EVC2: variants seen among roughly 807,000 people sequenced by gnomAD.
EVC2 encodes the protein EvC ciliary complex subunit 2, also known as limbin.
EVC2 carries 148 observed loss-of-function variants against 149.3 expected under a neutral mutation model. The observed-to-expected ratio is 0.99, with a 90% CI of 0.87 to 1.14. The LOEUF (loss-of-function observed/expected upper bound fraction) is 1.14, where lower values mean the gene tolerates loss of function less well. EVC2 is among the 50% of genes most tolerant of loss of function. The pLI, the probability that EVC2 is intolerant of heterozygous loss-of-function variation, is 0.00. For synonymous variants in EVC2, 776 were observed against 649.9 expected (o/e 1.19, Z -2.95); for missense variants, 1,854 against 1,627.3 (o/e 1.14, Z -2.40).
chr4:5,573,552 C>T (rs932301759), intron 19 of EVC2, among the ~76,000 whole-genome samples: 4 of 152,194 alleles, frequency 2.6e-5, no homozygotes, highest in African/African-American at 9.6e-5. Context: ...GAGCAGGAAA[C>T]AGATTCTCCC....
intron 1 of EVC2, among the ~76,000 whole-genome samples, chr4:5,699,536 G>A (rs910254035): frequency 6.7e-6 from 1 of 149,370 alleles, no homozygotes. Flanking sequence ...GTGGAAGCAA[G>A]CCAAATGTCC....
the EVC2 span, among the ~76,000 whole-genome samples, chr4:5,535,635 A>AG: frequency 1.3e-4 from 11 of 87,862 alleles, no homozygotes; most frequent in African/African-American, 5.4e-4. This position sits in a 1 kb window ranked among gnomAD's most constrained non-coding sequence, Gnocchi z 4.7. Flanking sequence ...GAGAGAGAGA[A>AG]AGAGATAATC....
At chr4:5,566,199 A>G (rs543589144) in intron 20 of EVC2, among the ~76,000 whole-genome samples, 1 of 152,318 alleles carries the variant, frequency 6.6e-6, no homozygotes, top group Admixed American at 6.5e-5. Context: ...ACTGAAGGAG[A>G]GGGCGTTGGA....
At chr4:5,543,860 G>T (rs1472280484) in intron 21 of EVC2, among the ~76,000 whole-genome samples, 1 of 152,182 alleles carries the variant, frequency 6.6e-6, no homozygotes, top group Admixed American at 6.5e-5. Flanking sequence ...CCCCTGCATA[G>T]CACATTTCTT....
chr4:5,706,770 C>T (rs1722227270), intron 1 of EVC2, among the ~76,000 whole-genome samples: 1 of 152,124 alleles, frequency 6.6e-6, no homozygotes, highest in South Asian at 2.1e-4. Flanking sequence ...GTCCCATCAA[C>T]AGCTGGGATG....
chr4:5,679,498 A>G lies in EVC2; in HGVS notation c.870+1762T>C, dbSNP rs1420721283. On this transcript the variant is annotated intron_variant, in intron 7 of 21. Transcript: ENST00000344408. The surrounding 1 kb of genome is among the most constrained non-coding windows in gnomAD (Gnocchi z 5.1). ...AGTGATCAGCCCACCTCAGCCTCCC[A>G]AAGTACTGAGATTACAGGCATGAGC... Among the ~76,000 whole-genome samples the G allele has an allele frequency of 6.6e-6, 1 of 152,178 alleles. No homozygotes were observed.
intron 7 of EVC2, among the ~76,000 whole-genome samples, chr4:5,672,083 G>C (rs1007014106): frequency 3.3e-5 from 5 of 152,210 alleles, no homozygotes; most frequent in African/African-American, 9.6e-5. Flanking sequence ...TGAACAGGCA[G>C]GCAGATGCTG....
At chr4:5,612,853 C>G (rs940701297) in intron 16 of EVC2, among the ~76,000 whole-genome samples, 2 of 131,896 alleles carry the variant, frequency 1.5e-5, no homozygotes, top group Non-Finnish European at 3.1e-5. Flanking sequence ...ACCCGGGAGG[C>G]AGAGCTTGCA....
chr4:5,706,389 GATA>G (rs1722172517), intron 1 of EVC2, among the ~76,000 whole-genome samples: 13 of 72,416 alleles, frequency 1.8e-4, no homozygotes, highest in East Asian at 7.2e-4. Flanking sequence ...TACATAGATA[GATA>G]CATAGATAGA....
chr4:5,565,282 A>G lies in EVC2; in HGVS notation c.3635T>C (p.Leu1212Pro). ...CCTCTGCTTTCTCTTGCGGGCCCACAGCATCTTTTCTAATCCTCTGCTTAT... is the reference window on the plus strand; with the variant it reads ...CCTCTGCTTTCTCTTGCGGGCCCACGGCATCTTTTCTAATCCTCTGCTTAT... ...DLISRGLEKM[L>P]WARKRKQSIL... The change falls in exon 21 of 22, where the codon CTG (leucine) becomes CCG (proline). Residue 1212 changes from leucine (L) to proline (P), a missense_variant. Transcript: ENST00000344408. 2.5e-6 allele frequency: 4 copies of G among 1,613,982 alleles called. No individual in the cohort carries two copies. Among genetic ancestry groups the G allele is most frequent in the Non-Finnish European group, 3.4e-6 (4 of 1,179,988 alleles).
intron 16 of EVC2, among the ~76,000 whole-genome samples, chr4:5,615,028 T>G (rs753042948): frequency 6.6e-6 from 1 of 151,736 alleles, no homozygotes; most frequent in Non-Finnish European, 1.5e-5. Flanking sequence ...AGGGAGAGCC[T>G]GGTGAGTTTG....
chr4:5,692,078 C>G (rs1046930503), intron 3 of EVC2, among the ~76,000 whole-genome samples: 1 of 152,230 alleles, frequency 6.6e-6, no homozygotes, highest in Non-Finnish European at 1.5e-5. Flanking sequence ...CCACATCTTT[C>G]CCACTCTCTG....
intron 13 of EVC2, among the ~76,000 whole-genome samples, chr4:5,623,926 T>C (rs537142900): frequency 1.1e-3 from 170 of 152,314 alleles, no homozygotes; most frequent in African/African-American, 3.8e-3. Flanking sequence ...GTGCCTGACA[T>C]AGAGTAGTTT....
chr4:5,576,020 C>A lies in EVC2; in HGVS notation c.3272+220G>T, dbSNP rs62297462. Among the ~76,000 whole-genome samples, 1 of 151,972 alleles carries A rather than the reference C, an allele frequency of 6.6e-6. No homozygotes were observed. The highest frequency in any genetic ancestry group is 2.4e-5 in the African/African-American group (1 of 41,354). The stretch of plus-strand genomic sequence containing the variant: ...CAAAATAAAAAGTTTAAAAATATTA[C>A]GTTTGGTAAAACTTCAATGATATTA... On this transcript the variant is annotated intron_variant, in intron 18 of 21. Coordinates refer to ENST00000344408, the MANE Select transcript of EVC2 (RefSeq NM_147127.5). The surrounding 1 kb of genome is among the most constrained non-coding windows in gnomAD (Gnocchi z 4.5).
In EVC2 at chr4:5,663,174, G is replaced by A. The variant is rs372899006; in HGVS notation, c.1078C>T (p.Leu360Phe). 6.2e-7 allele frequency: 1 copy of A among 1,614,126 alleles called. No homozygotes were observed. The highest frequency in any genetic ancestry group is 1.1e-5 in the South Asian group (1 of 91,072). Residue 360 changes from leucine (L) to phenylalanine (F), a missense_variant, in exon 9 of 22, where the codon CTT becomes TTT. Physicochemically the swap from Leu to Phe is conservative, Grantham distance 22. Transcript: ENST00000344408. ...SADGVNEDLS[L>F]NDQMIDILSS... ...AGAATGTCTATCATTTGGTCGTTAA[G>A]GGAAAGGTCCTCATTCACGCCATCA...
chr4:5,535,677 A>T, the EVC2 span, among the ~76,000 whole-genome samples: 1 of 150,394 alleles, frequency 6.6e-6, no homozygotes, highest in Non-Finnish European at 1.5e-5. This position sits in a 1 kb window ranked among gnomAD's most constrained non-coding sequence, Gnocchi z 4.7. Flanking sequence ...AAGGGCACTA[A>T]TCCCACCATG....
At chr4:5,553,962 G>A (rs1258363190) in intron 21 of EVC2, among the ~76,000 whole-genome samples, 2 of 152,046 alleles carry the variant, frequency 1.3e-5, no homozygotes, top group Non-Finnish European at 2.9e-5. Context: ...GGAAATGACA[G>A]AAATGAAAGA....
At chr4:5,699,642 CAAAAAAAAAA>C (rs773633372) in intron 1 of EVC2, among the ~76,000 whole-genome samples, 1 of 111,748 alleles carries the variant, frequency 8.9e-6, no homozygotes, top group Admixed American at 9.8e-5. Flanking sequence ...TCCATCTCTA[CAAAAAAAAAA>C]AAAAAAGAAA....
chr4:5,626,484 C>T (rs1020244983), intron 12 of EVC2, among the ~76,000 whole-genome samples: 3 of 151,194 alleles, frequency 2.0e-5, no homozygotes, highest in Non-Finnish European at 2.9e-5. Flanking sequence ...CAGGCGCGTG[C>T]CACCACGCCA....
Sources: gnomAD v4.1 joint callset for allele counts (sites outside exome capture counted in the v4.1 genomes callset) on GRCh38, gnomAD v4.1.1 for gene constraint, Gnocchi (gnomAD v3.1) non-coding constraint, MANE v1.5 for transcripts, NCBI Gene and HGNC (gene_info 2026-07-23, HGNC 2026-07-21) for gene names.